ABI3BP: variants seen among roughly 807,000 people sequenced by gnomAD.
ABI3BP encodes target of Nesh-SH3.
A neutral mutation model predicts 268.6 loss-of-function variants in ABI3BP; 216 were observed. The observed-to-expected ratio is 0.80, with a 90% CI of 0.72 to 0.90. ABI3BP has a LOEUF of 0.90. Among genes scored for constraint, ABI3BP ranks in the 40% least tolerant of loss-of-function variants. The pLI is 0.00. For missense variants in ABI3BP, 2,090 were observed against 2,182.4 expected, an observed-to-expected ratio of 0.96 and a Z score of 0.84; for synonymous variants, 730 against 730.0, an observed-to-expected ratio of 1.00 and a Z score of 0.00.
chr3:100,961,532 G>A (rs2079095330), intron 1 of ABI3BP, among the ~76,000 whole-genome samples: 1 of 152,194 alleles, frequency 6.6e-6, no homozygotes, highest in African/African-American at 2.4e-5. Flanking sequence ...CAAAGGAGAA[G>A]AAAACTTATC....
chr3:100,867,055 A>C (rs1409381880), intron 9 of ABI3BP, 99 bp from the exon 10 acceptor site: 1 of 828,002 alleles, frequency 1.2e-6, no homozygotes. Context: ...CTAATCTCAC[A>C]CTCCTTCCCC....
chr3:100,844,210 A>G (rs576987771), intron 20 of ABI3BP: 559 of 985,480 alleles, frequency 5.7e-4, no homozygotes, highest in Non-Finnish European at 6.6e-4. Context: ...AGGAATGAGA[A>G]CAATTTACAA....
In ABI3BP at chr3:100,752,926, A is replaced by C; in HGVS notation, c.4983T>G (p.Thr1661=). The change falls in exon 66 of 68, where the codon ACT becomes ACG. Residue 1661 remains threonine (T), a synonymous_variant. Coordinates refer to ENST00000471714, the MANE Select transcript of ABI3BP (RefSeq NM_001375547.2). Reference sequence around the variant, plus strand: ...AAGAGTCTGAATTAAAGGGTCTTTCAGTCCAGATGGCATCTCTTCCTGCTA... The same window carrying C: ...AAGAGTCTGAATTAAAGGGTCTTTCCGTCCAGATGGCATCTCTTCCTGCTA... ...PVSAGRDAIW[T]ERPFNSDSYS... 6.2e-7 allele frequency: 1 copy of C among 1,612,696 alleles called. No individual in the cohort carries two copies. The highest frequency in any genetic ancestry group is 8.5e-7 in the Non-Finnish European group (1 of 1,179,292).
At chr3:100,973,983 A>G (rs925580891) in intron 1 of ABI3BP, among the ~76,000 whole-genome samples, 1 of 152,178 alleles carries the variant, frequency 6.6e-6, no homozygotes, top group African/African-American at 2.4e-5. Flanking sequence ...AAGAAAATGG[A>G]TCATACATTT....
intron 17 of ABI3BP, 67 bp from the exon 18 acceptor site, chr3:100,848,942 A>G (rs2098807511): frequency 7.2e-7 from 1 of 1,396,500 alleles, no homozygotes; most frequent in South Asian, 1.2e-5. Flanking sequence ...TTGTGCCTGT[A>G]AATTTGCAAA....
intron 1 of ABI3BP, among the ~76,000 whole-genome samples, chr3:100,981,091 G>A (rs1447757181): frequency 6.6e-6 from 1 of 152,126 alleles, no homozygotes; most frequent in Non-Finnish European, 1.5e-5. Context: ...TACAGTTATG[G>A]TTTGTCTAAT....
intron 29 of ABI3BP, among the ~76,000 whole-genome samples, chr3:100,834,013 T>C (rs1368941481): frequency 6.6e-6 from 1 of 152,190 alleles, no homozygotes; most frequent in Non-Finnish European, 1.5e-5. Flanking sequence ...CTCCGTTGCC[T>C]GGGCTACAGT....
chr3:100,862,623 A>G lies in ABI3BP; in HGVS notation c.1210+215T>C, dbSNP rs1252578097. 4 of 584,014 alleles carry G rather than the reference A, an allele frequency of 6.8e-6. No homozygotes were observed. The East Asian group carries it at 1.1e-4, about 17-fold the overall frequency. The allele number at this position is 584,014 out of a possible 1,614,324, so 36.2% of individuals were successfully genotyped here. On this transcript the variant is annotated intron_variant, in intron 13 of 67. Coordinates refer to ENST00000471714, the MANE Select transcript of ABI3BP (RefSeq NM_001375547.2). ...AGACTGTCAGCATTTTTAAGGACAA[A>G]AAGCTAAGTGGATTATGTGGAATTA...
Position 100,846,417 on chromosome 3 carries a change from T to C in ABI3BP, c.1678A>G (p.Lys560Glu). Residue 560 changes from lysine (K) to glutamate (E), a missense_variant, in exon 20 of 68, where the codon AAA (lysine) becomes GAA (glutamate). Physicochemically the swap from Lys to Glu is moderately conservative, Grantham distance 56. Transcript: ENST00000471714. Reference protein sequence around the residue: ...APGKTQFISLKPKIPLSPEVT... With the variant: ...APGKTQFISLEPKIPLSPEVT... ...TCTGGGCTGAGAGGGATTTTAGGTT[T>C]CAGAGAAATAAATTGTGTTTTACCG... 6.2e-7 allele frequency: 1 copy of C among 1,601,268 alleles called. No individual in the cohort carries two copies. The highest frequency in any genetic ancestry group is 8.5e-7 in the Non-Finnish European group (1 of 1,173,466).
intron 1 of ABI3BP, among the ~76,000 whole-genome samples, chr3:100,930,382 C>T (rs1441811570): frequency 6.6e-6 from 1 of 151,918 alleles, no homozygotes; most frequent in Non-Finnish European, 1.5e-5. Flanking sequence ...TGCATATTTG[C>T]AAAGTAGAAT....
At chr3:100,808,847 C>CA (rs1373368341) in intron 49 of ABI3BP, among the ~76,000 whole-genome samples, 4 of 150,896 alleles carry the variant, frequency 2.7e-5, no homozygotes, top group South Asian at 2.1e-4. Context: ...TTTTCTTCAC[C>CA]AAAAAAAATT....
chr3:100,846,310 A>T, intron 20 of ABI3BP, 62 bp downstream of exon 20: 1 of 1,118,330 alleles, frequency 8.9e-7, no homozygotes, highest in South Asian at 1.5e-5. Flanking sequence ...GCTCCAAATA[A>T]TTGCAAAGAA....
At chr3:100,956,256 CACACATAT>C (rs1219789522) in intron 1 of ABI3BP, among the ~76,000 whole-genome samples, 80 of 120,020 alleles carry the variant, frequency 6.7e-4, no homozygotes, top group African/African-American at 2.1e-3. Context: ...CACACACACA[CACACATAT>C]GGCATGTCAA....
chr3:100,841,758 C>T (rs1472162711), intron 21 of ABI3BP, among the ~76,000 whole-genome samples: 3 of 151,912 alleles, frequency 2.0e-5, no homozygotes, highest in Non-Finnish European at 2.9e-5. Context: ...GGGATGGTGG[C>T]TCAGGCCTGT....
At chr3:100,761,806 T>C (rs1427747882) in intron 63 of ABI3BP, among the ~76,000 whole-genome samples, 1 of 152,194 alleles carries the variant, frequency 6.6e-6, no homozygotes, top group Non-Finnish European at 1.5e-5. Context: ...GTGGGTAAAG[T>C]TTAGCCAGTA....
At chr3:100,815,198 G>A (rs73135523) in intron 44 of ABI3BP, among the ~76,000 whole-genome samples, 20,931 of 152,052 alleles carry the variant, frequency 0.14, 1,876 homozygotes, top group South Asian at 0.26. Flanking sequence ...ATCATTGAAA[G>A]CATTGTATGT....
intron 29 of ABI3BP, 69 bp from the exon 30 acceptor site, chr3:100,833,226 A>G: frequency 7.1e-7 from 1 of 1,408,720 alleles, no homozygotes; most frequent in Non-Finnish European, 9.6e-7. Context: ...AAAAGCCATC[A>G]TTCTCTTGAA....
intron 19 of ABI3BP, 151 bp downstream of exon 19, chr3:100,847,451 G>A (rs961308857): frequency 1.5e-6 from 1 of 677,170 alleles, no homozygotes; most frequent in African/African-American, 1.8e-5. Flanking sequence ...CAATAGCCAT[G>A]GAGCTGGTGC....
At chr3:100,915,486 T>C (rs1207179806) in intron 2 of ABI3BP, among the ~76,000 whole-genome samples, 1 of 152,064 alleles carries the variant, frequency 6.6e-6, no homozygotes, top group Non-Finnish European at 1.5e-5. Context: ...GGAGGGCAGC[T>C]GAAGTCGCTG....
Sources: allele counts gnomAD v4.1 joint callset (sites outside exome capture counted in the v4.1 genomes callset), GRCh38; gene constraint gnomAD v4.1.1; transcripts MANE v1.5; gene names NCBI Gene and HGNC (gene_info 2026-07-23, HGNC 2026-07-21).